KCNAB2: variants seen among roughly 807,000 people sequenced by gnomAD.
The protein encoded by KCNAB2 is voltage-gated potassium channel subunit beta-2.
In KCNAB2, 29 loss-of-function variants were observed where a neutral mutation model predicts 63.6. The observed-to-expected ratio is 0.46, with a 90% CI of 0.34 to 0.62. The LOEUF is 0.62. KCNAB2 is among the 20% of genes least tolerant of loss of function. The pLI is 0.01. For missense variants in KCNAB2, 359 were observed against 563.9 expected, an observed-to-expected ratio of 0.64 and a Z score of 3.68; for synonymous variants, 222 against 224.2, an observed-to-expected ratio of 0.99 and a Z score of 0.09.
intron 15 of KCNAB2, 45 bp downstream of exon 15, chr1:6,097,402 G>C: frequency 1.3e-6 from 2 of 1,548,870 alleles, no homozygotes; most frequent in Non-Finnish European, 1.7e-6. Flanking sequence ...ATCCCAGCCC[G>C]AGCCCCGTCC....
chr1:6,059,426 G>A (rs1243539320), intron 2 of KCNAB2, among the ~76,000 whole-genome samples: 1 of 152,136 alleles, frequency 6.6e-6, no homozygotes, highest in Non-Finnish European at 1.5e-5. Context: ...CTGGGCTCAA[G>A]CGATCCACCC....
intron 1 of KCNAB2, chr1:5,995,720 T>G (rs1250472169): frequency 2.0e-5 from 3 of 152,216 alleles, no homozygotes; most frequent in African/African-American, 7.2e-5. Context: ...GGAACTACAC[T>G]CATGACCTCA....
At chr1:6,091,388 C>A (rs911284395) in intron 10 of KCNAB2, 81 bp downstream of exon 10, 9 of 1,042,268 alleles carry the variant, frequency 8.6e-6, no homozygotes, top group South Asian at 5.6e-5. Flanking sequence ...TTACATGATT[C>A]TTTTACCCCA....
rs528500448 is a variant in KCNAB2 at position 6,093,079 on chromosome 1, G to T, written c.647-1321G>T. Among the ~76,000 whole-genome samples, 20 of 152,296 alleles carry T rather than the reference G, an allele frequency of 1.3e-4. 1 individual carries two copies. The highest frequency in any genetic ancestry group is 4.8e-4 in the African/African-American group (20 of 41,566). Reference sequence around the variant, plus strand: ...CTTTGTGGCCTCGTTGCCATTCCAGGGGGGAGCCTGCAGAACAAACCCAGC... The same window carrying T: ...CTTTGTGGCCTCGTTGCCATTCCAGTGGGGAGCCTGCAGAACAAACCCAGC... On this transcript the variant is annotated intron_variant, in intron 10 of 15. Coordinates refer to ENST00000378083, the MANE Select transcript of KCNAB2 (RefSeq NM_001199862.2).
intron 13 of KCNAB2, 90 bp downstream of exon 13, chr1:6,095,714 A>C: frequency 7.9e-7 from 1 of 1,264,392 alleles, no homozygotes; most frequent in Non-Finnish European, 1.1e-6. Context: ...GGTGCTGGGC[A>C]GGGGTTCCGG....
intron 1 of KCNAB2, among the ~76,000 whole-genome samples, chr1:6,002,513 C>A (rs1182249994): frequency 2.6e-5 from 4 of 152,262 alleles, no homozygotes; most frequent in Non-Finnish European, 5.9e-5. Context: ...TGATGCCTGT[C>A]ATCTGTACTG....
Position 6,099,670 on chromosome 1 carries a change from G to A in KCNAB2, c.*1096G>A, listed in dbSNP as rs1417177868. On this transcript the variant is annotated 3_prime_UTR_variant, in exon 16 of 16. Coordinates refer to ENST00000378083, the MANE Select transcript of KCNAB2 (RefSeq NM_001199862.2). Reference sequence around the variant, plus strand: ...CGCATGCTTGGACCCTTTCAGTAAGGAAGGGTCTTTGGGGTTTTCTGTGCC... The same window carrying A: ...CGCATGCTTGGACCCTTTCAGTAAGAAAGGGTCTTTGGGGTTTTCTGTGCC... 2 of 1,243,336 alleles carry A rather than the reference G, an allele frequency of 1.6e-6. No individual in the cohort carries two copies. The highest frequency in any genetic ancestry group is 1.6e-5 in the South Asian group (1 of 61,428). 77.0% of individuals were successfully genotyped at this position (1,243,336 alleles called of 1,614,324 possible). A position where few individuals can be genotyped will look rare whatever the true frequency, so the allele number is the denominator to read the frequency against.
intron 2 of KCNAB2, among the ~76,000 whole-genome samples, chr1:6,057,058 G>A (rs564901317): frequency 6.6e-6 from 1 of 151,564 alleles, no homozygotes; most frequent in Admixed American, 6.6e-5. Context: ...GGAAGGCGCT[G>A]CGTGGTCTTG....
rs1664286080 is a variant in KCNAB2 at position 6,082,395 on chromosome 1, C to A, written c.380+121C>A. ...ACAAATGCACCTTGCACCCTGCTTT[C>A]ATTTTTAAACTCTGAATGGCTTTAG... is the stretch of plus-strand genomic sequence containing the variant. On this transcript the variant is annotated intron_variant, in intron 5 of 15. Coordinates refer to ENST00000378083, the MANE Select transcript of KCNAB2 (RefSeq NM_001199862.2). The A allele has an allele frequency of 6.7e-6, 5 of 746,988 alleles. No individual in the cohort carries two copies. In the South Asian group the frequency reaches 7.5e-5, roughly 11 times the overall value. The allele number at this position is 746,988 out of a possible 1,614,324, so 46.3% of individuals were successfully genotyped here. A position where few individuals can be genotyped will look rare whatever the true frequency, so the allele number is the denominator to read the frequency against.
chr1:6,096,050 G>A lies in KCNAB2; in HGVS notation c.948+426G>A, dbSNP rs1416653750. 2.2e-6 allele frequency: 1 copy of A among 459,300 alleles called. No individual in the cohort carries two copies. Among genetic ancestry groups the A allele is most frequent in the Admixed American group, 2.3e-5 (1 of 42,616 alleles). The allele number at this position is 459,300 out of a possible 1,614,324, so 28.5% of individuals were successfully genotyped here. ...CCCCTCCCCACCACACAACCTCTGA[G>A]TGGGGACTCAGGAGGGTCCCCAGAC... On this transcript the variant is annotated intron_variant, in intron 13 of 15. Coordinates refer to ENST00000378083, the MANE Select transcript of KCNAB2 (RefSeq NM_001199862.2). The surrounding 1 kb of genome is among the most constrained non-coding windows in gnomAD (Gnocchi z 5.9).
rs758076431 is a variant in KCNAB2 at position 6,073,129 on chromosome 1, C to G, written c.262+331C>G. ...CGGGAGTGCAACGAAGACACCTTAC[C>G]TTCCAAGGCAGGCTCAGCTCGTGAG... On this transcript the variant is annotated intron_variant, in intron 3 of 15. Coordinates refer to ENST00000378083, the MANE Select transcript of KCNAB2 (RefSeq NM_001199862.2). The surrounding 1 kb of genome is among the most constrained non-coding windows in gnomAD (Gnocchi z 5.7). Among the ~76,000 whole-genome samples the G allele has an allele frequency of 8.5e-5, 13 of 152,156 alleles. No homozygotes were observed. The highest frequency in any genetic ancestry group is 1.6e-4 in the Non-Finnish European group (11 of 68,018).
At chr1:6,007,497 A>T (rs1282742195) in intron 1 of KCNAB2, 1 of 112,080 alleles carries the variant, frequency 8.9e-6, no homozygotes, top group Non-Finnish European at 1.9e-5. Context: ...ATCCGTGGGG[A>T]GCCGCGCCAC....
intron 15 of KCNAB2, 27 bp from the exon 16 acceptor site, chr1:6,098,458 C>G (rs1665828099): frequency 1.2e-6 from 2 of 1,613,004 alleles, no homozygotes; most frequent in African/African-American, 1.3e-5. Context: ...TGGTGGGATT[C>G]TGATTTGTTG....
At chr1:6,077,204 T>A (rs377469827) in intron 4 of KCNAB2, among the ~76,000 whole-genome samples, 72 of 150,938 alleles carry the variant, frequency 4.8e-4, no homozygotes, top group African/African-American at 1.5e-3. Context: ...AAGAAAAGCA[T>A]GTTTTGAAGA....
In KCNAB2 at chr1:6,096,857, G is replaced by A; in HGVS notation, c.1069+101G>A. The A allele has an allele frequency of 2.2e-6, 3 of 1,384,042 alleles. No individual in the cohort carries two copies. Among genetic ancestry groups the A allele is most frequent in the South Asian group, 3.0e-5 (2 of 67,384 alleles). The allele number at this position is 1,384,042 out of a possible 1,614,324, so 85.7% of individuals were successfully genotyped here. On this transcript the variant is annotated intron_variant, in intron 14 of 15. Transcript: ENST00000378083. This position sits in a 1 kb window ranked among gnomAD's most constrained non-coding sequence, Gnocchi z 5.9. ...GTTGCCATGGGGCCAGTGTCTCCGG[G>A]GAGAGAGGGAAGGGATCCCTGGACA...
intron 1 of KCNAB2, among the ~76,000 whole-genome samples, chr1:6,014,001 C>T (rs1326332843): frequency 2.4e-4 from 37 of 152,204 alleles, no homozygotes; most frequent in Admixed American, 2.4e-3. Context: ...CCAGCTTTAC[C>T]TCTCCAAGCC....
chr1:6,049,528 TCAGA>T (rs1448857613), intron 1 of KCNAB2, among the ~76,000 whole-genome samples: 1 of 152,142 alleles, frequency 6.6e-6, no homozygotes, highest in African/African-American at 2.4e-5. Flanking sequence ...GCCATGCCCA[TCAGA>T]CAGAGGTGCA....
rs987385008 is a variant in KCNAB2 at position 6,073,188 on chromosome 1, T to C, written c.262+390T>C. ...GGAGCGCCATTGGATTTGGCCCTTT[T>C]TCCTCTCCTGTCAGATACAAGGCCT... On this transcript the variant is annotated intron_variant, in intron 3 of 15. Transcript: ENST00000378083. The surrounding 1 kb of genome is among the most constrained non-coding windows in gnomAD (Gnocchi z 5.7). Among the ~76,000 whole-genome samples, 5 of 152,186 alleles carry C rather than the reference T, an allele frequency of 3.3e-5. No individual in the cohort carries two copies. Among genetic ancestry groups the C allele is most frequent in the African/African-American group, 1.2e-4 (5 of 41,516 alleles).
rs1665879573 is a variant in KCNAB2, at chr1:6,099,251, C to T, written c.*677C>T. On this transcript the variant is annotated 3_prime_UTR_variant, in exon 16 of 16. Transcript: ENST00000378083. ...CCCTTGACCCCCACCCACCCCCACCCTTGCTGGCAGGGGCAGGGACCCCAG... is the reference window on the plus strand; with the variant it reads ...CCCTTGACCCCCACCCACCCCCACCTTTGCTGGCAGGGGCAGGGACCCCAG... 6.5e-6 allele frequency: 1 copy of T among 153,278 alleles called. No individual in the cohort carries two copies. The highest frequency in any genetic ancestry group is 1.5e-5 in the Non-Finnish European group (1 of 68,800). 9.5% of individuals were successfully genotyped at this position (153,278 alleles called of 1,614,324 possible).
Sources: allele counts gnomAD v4.1 joint callset (sites outside exome capture counted in the v4.1 genomes callset), GRCh38; gene constraint gnomAD v4.1.1; non-coding constraint Gnocchi (gnomAD v3.1); transcripts MANE v1.5; gene names NCBI Gene and HGNC (gene_info 2026-07-23, HGNC 2026-07-21).